The following PITPNM2 variants were observed in gnomAD, a reference collection of about 807,000 sequenced individuals.
PITPNM2 encodes the protein membrane-associated phosphatidylinositol transfer protein 2.
A neutral mutation model predicts 132.2 loss-of-function variants in PITPNM2; 35 were observed. The ratio of observed to expected loss-of-function variants is 0.26; its 90% confidence interval spans 0.20 to 0.35. PITPNM2 has a LOEUF of 0.35. PITPNM2 is among the 10% of genes least tolerant of loss of function. The probability of loss-of-function intolerance (pLI) is 1.00; values close to 1 mark genes in which losing one functional copy is unlikely to be tolerated. For missense variants in PITPNM2, 1,332 were observed against 1,912.0 expected (o/e 0.70, Z 5.66); for synonymous variants, 738 against 799.2 (o/e 0.92, Z 1.29).
chr12:123,004,974 C>T lies in PITPNM2; in HGVS notation c.952+266G>A, dbSNP rs1474329153. ...ATCAGGAGGGGTGGCCCCTCCACCG[C>T]GCTGCAGGAGCCCAGCCACCTCCAC... is the stretch of plus-strand genomic sequence containing the variant. On this transcript the variant is annotated intron_variant, in intron 7 of 25. Transcript: ENST00000320201. This position sits in a 1 kb window ranked among gnomAD's most constrained non-coding sequence, Gnocchi z 4.9. Among the ~76,000 whole-genome samples the T allele has an allele frequency of 6.6e-6, 1 of 152,168 alleles. No homozygotes were observed. Among genetic ancestry groups the T allele is most frequent in the Admixed American group, 6.5e-5 (1 of 15,290 alleles).
chr12:123,144,412 G>T (rs1299355031), intron 1 of PITPNM2, among the ~76,000 whole-genome samples: 1 of 152,144 alleles, frequency 6.6e-6, no homozygotes, highest in Non-Finnish European at 1.5e-5. Context: ...ATGAATCAAT[G>T]ATACATATTA....
rs1356894711 is a variant in PITPNM2, at chr12:123,018,033, T to TTCCTTCCG, written c.79-3992_79-3991insCGGAAGGA. ...CTTCCTTCCTTCCTTCCTTCCTTCC[T>TTCCTTCCG]TCCTCCCTCCCTCCCTCCCTCTTTT... On this transcript the variant is annotated intron_variant, in intron 3 of 25. Coordinates refer to ENST00000320201, the MANE Select transcript of PITPNM2 (RefSeq NM_020845.3). 4.4e-5 allele frequency among the ~76,000 whole-genome samples: 6 copies of TTCCTTCCG among 135,180 alleles called. No individual in the cohort carries two copies. In the East Asian group the frequency reaches 1.0e-3, roughly 23 times the overall value. 88.7% of individuals were successfully genotyped at this position (135,180 alleles called of 152,430 possible). A position where few individuals can be genotyped will look rare whatever the true frequency, so the allele number is the denominator to read the frequency against.
chr12:123,044,211 A>G (rs2040581445), intron 2 of PITPNM2, among the ~76,000 whole-genome samples: 1 of 152,210 alleles, frequency 6.6e-6, no homozygotes, highest in Admixed American at 6.5e-5. Context: ...GGGTTTGCTC[A>G]GGGGCCTTCC....
Position 123,023,112 on chromosome 12 carries a change from G to T in PITPNM2, c.79-9070C>A, listed in dbSNP as rs554834121. On this transcript the variant is annotated intron_variant, in intron 3 of 25. Transcript: ENST00000320201. This position sits in a 1 kb window ranked among gnomAD's most constrained non-coding sequence, Gnocchi z 4.8. ...GCAGTTCGAAGCACAGGCTGGGCTG[G>T]GGCCAGCTCACTGGAGGGAGGGGAC... 2.0e-5 allele frequency among the ~76,000 whole-genome samples: 3 copies of T among 152,364 alleles called. No individual in the cohort carries two copies. The highest frequency in any genetic ancestry group is 2.9e-5 in the Non-Finnish European group (2 of 68,030).
At chr12:123,128,248 C>T (rs1424764418) in intron 1 of PITPNM2, among the ~76,000 whole-genome samples, 2 of 97,408 alleles carry the variant, frequency 2.1e-5, no homozygotes, top group Non-Finnish European at 3.7e-5. Context: ...GTAAACATGG[C>T]GAAACCCCAT....
chr12:123,069,464 C>G (rs537018285), intron 2 of PITPNM2, among the ~76,000 whole-genome samples: 1 of 152,048 alleles, frequency 6.6e-6, no homozygotes, highest in African/African-American at 2.4e-5. Context: ...CTGCAGGCCA[C>G]GCAGCAAAGA....
intron 3 of PITPNM2, among the ~76,000 whole-genome samples, chr12:123,033,719 T>C (rs2040172685): frequency 6.6e-6 from 1 of 152,008 alleles, no homozygotes; most frequent in Non-Finnish European, 1.5e-5. Flanking sequence ...AATGTCTCTG[T>C]CCCCCTAAAA....
chr12:123,016,021 G>A (rs948787099), intron 3 of PITPNM2, among the ~76,000 whole-genome samples: 1 of 152,146 alleles, frequency 6.6e-6, no homozygotes, highest in Non-Finnish European at 1.5e-5. Context: ...CATTAGGAAA[G>A]TGCAAATCAA....
In PITPNM2 at chr12:123,077,696, G is replaced by A. The variant is rs1303261358; in HGVS notation, c.-96+32689C>T. On this transcript the variant is annotated intron_variant, in intron 2 of 25. Transcript: ENST00000320201. This position sits in a 1 kb window ranked among gnomAD's most constrained non-coding sequence, Gnocchi z 4.8. ...CTCTCTCCCTCCATCCCAGCTCTTC[G>A]GAGAGAAAGCAAGCAGCCCGCGTGA... is the stretch of plus-strand genomic sequence containing the variant. Among the ~76,000 whole-genome samples, 1 of 152,136 alleles carries A rather than the reference G, an allele frequency of 6.6e-6. No individual in the cohort carries two copies. The highest frequency in any genetic ancestry group is 1.5e-5 in the Non-Finnish European group (1 of 68,026).
At chr12:123,094,030 G>T (rs1017260082) in intron 2 of PITPNM2, among the ~76,000 whole-genome samples, 3 of 152,244 alleles carry the variant, frequency 2.0e-5, no homozygotes, top group Non-Finnish European at 2.9e-5. Context: ...AGTGCAGCAG[G>T]CCTGGGGATG....
At chr12:123,136,869 C>T (rs962507473) in intron 1 of PITPNM2, among the ~76,000 whole-genome samples, 1 of 152,092 alleles carries the variant, frequency 6.6e-6, no homozygotes, top group South Asian at 2.1e-4. Flanking sequence ...TGCACTCTGG[C>T]CAGATAGAGC....
chr12:123,139,712 T>C (rs1169570540), intron 1 of PITPNM2, among the ~76,000 whole-genome samples: 1 of 152,176 alleles, frequency 6.6e-6, no homozygotes. Flanking sequence ...TGGGTTATTC[T>C]AAGCACCTAG....
intron 1 of PITPNM2, among the ~76,000 whole-genome samples, chr12:123,134,210 C>T (rs534401186): frequency 2.0e-5 from 3 of 152,228 alleles, no homozygotes; most frequent in East Asian, 3.9e-4. Flanking sequence ...ACTACAGACG[C>T]GTGCCACCAC....
At chr12:123,014,424 C>T (rs2039341511) in intron 3 of PITPNM2, among the ~76,000 whole-genome samples, 1 of 152,268 alleles carries the variant, frequency 6.6e-6, no homozygotes, top group African/African-American at 2.4e-5. Flanking sequence ...TAAGAGGCAA[C>T]TGGGCACATT....
chr12:123,055,109 C>G (rs986955000), intron 2 of PITPNM2, among the ~76,000 whole-genome samples: 3 of 152,064 alleles, frequency 2.0e-5, no homozygotes, highest in African/African-American at 7.2e-5. Flanking sequence ...TTACTTTACT[C>G]CAAGGTCAAA....
rs776390647 is a variant in PITPNM2 at position 122,994,874 on chromosome 12, G to A, written c.2160C>T (p.Thr720=). The change falls in exon 15 of 26, where the codon ACC becomes ACT. Residue 720 remains threonine, a synonymous_variant. Transcript: ENST00000320201. The surrounding 1 kb of genome is among the most constrained non-coding windows in gnomAD (Gnocchi z 5.4). ...GCGGGCACCCGAAGAGGAAGAGGTC[G>A]GTGATCTCAAAGTCAAACCTGCCCA... The part of the protein sequence containing the change: ...GALGRFDFEI[T]DLFLFGCPLG... 3.0e-5 allele frequency: 48 copies of A among 1,612,120 alleles called. No individual in the cohort carries two copies. The highest frequency in any genetic ancestry group is 3.7e-5 in the Non-Finnish European group (44 of 1,179,958).
At chr12:123,048,553 C>A (rs937958810) in intron 2 of PITPNM2, among the ~76,000 whole-genome samples, 2 of 152,136 alleles carry the variant, frequency 1.3e-5, no homozygotes, top group African/African-American at 4.8e-5. Context: ...GCTGGGACTA[C>A]AGGCGCCCGC....
At chr12:123,040,735 A>G (rs2040438854) in intron 2 of PITPNM2, among the ~76,000 whole-genome samples, 1 of 152,186 alleles carries the variant, frequency 6.6e-6, no homozygotes, top group African/African-American at 2.4e-5. Context: ...TTAAAAAAAG[A>G]TCATGTAGAA....
chr12:123,018,282 TTTTTTCTTTTC>T (rs2039522506), intron 3 of PITPNM2, among the ~76,000 whole-genome samples: 1 of 128,260 alleles, frequency 7.8e-6, no homozygotes, highest in African/African-American at 2.6e-5. Context: ...ATTTCTTTTC[TTTTTTCTTTTC>T]TTTTTTTTTT....
Sources: allele counts gnomAD v4.1 joint callset (sites outside exome capture counted in the v4.1 genomes callset), GRCh38; gene constraint gnomAD v4.1.1; non-coding constraint Gnocchi (gnomAD v3.1); transcripts MANE v1.5; gene names NCBI Gene and HGNC (gene_info 2026-07-23, HGNC 2026-07-21).